CACNG2: variants seen among roughly 807,000 people sequenced by gnomAD.
The protein encoded by CACNG2 is voltage-dependent calcium channel gamma-2 subunit.
In CACNG2, 3 loss-of-function variants were observed where a neutral mutation model predicts 25.9. The ratio of observed to expected loss-of-function variants is 0.12; its 90% CI spans 0.05 to 0.30. CACNG2 has a LOEUF of 0.30. CACNG2 is among the 10% of genes least tolerant of loss of function. The pLI is 1.00. For synonymous variants in CACNG2, 167 were observed against 173.3 expected, an observed-to-expected ratio of 0.96 and a Z score of 0.29; for missense variants, 341 against 432.5, an observed-to-expected ratio of 0.79 and a Z score of 1.88.
intron 1 of CACNG2, among the ~76,000 whole-genome samples, chr22:36,619,289 G>T (rs781567909): frequency 2.0e-5 from 3 of 152,180 alleles, no homozygotes; most frequent in African/African-American, 7.2e-5. Context: ...ACCGCAGGAT[G>T]ACAGAGTTTA....
chr22:36,674,386 T>A (rs1342819720), intron 1 of CACNG2, among the ~76,000 whole-genome samples: 3 of 152,214 alleles, frequency 2.0e-5, no homozygotes, highest in African/African-American at 7.2e-5. Context: ...TGGAGTGTAG[T>A]GGCACTATCT....
intron 1 of CACNG2, among the ~76,000 whole-genome samples, chr22:36,607,186 G>A (rs1392445268): frequency 1.3e-5 from 2 of 152,082 alleles, no homozygotes; most frequent in Non-Finnish European, 2.9e-5. Flanking sequence ...AATGCTTGTG[G>A]CCTTTCCTAC....
intron 1 of CACNG2, among the ~76,000 whole-genome samples, chr22:36,598,882 G>A (rs1935714677): frequency 1.3e-5 from 2 of 152,144 alleles, no homozygotes; most frequent in African/African-American, 4.8e-5. Flanking sequence ...GGGAGGCTGA[G>A]GTGGGAGATT....
chr22:36,586,830 G>C (rs1371687345), intron 2 of CACNG2, among the ~76,000 whole-genome samples: 1 of 152,182 alleles, frequency 6.6e-6, no homozygotes, highest in Non-Finnish European at 1.5e-5. Context: ...TGATACTTGA[G>C]ACATTTCCTT....
At chr22:36,575,915 G>A (rs565764428) in intron 2 of CACNG2, among the ~76,000 whole-genome samples, 7 of 152,184 alleles carry the variant, frequency 4.6e-5, no homozygotes, top group African/African-American at 1.2e-4. Flanking sequence ...GGATCAATCC[G>A]CATTAGGGGA....
intron 1 of CACNG2, among the ~76,000 whole-genome samples, chr22:36,621,925 T>C (rs1277730928): frequency 6.6e-6 from 1 of 152,228 alleles, no homozygotes; most frequent in East Asian, 1.9e-4. Flanking sequence ...TTTTCCAGCA[T>C]GTTGGTTCAT....
At chr22:36,598,286 C>T (rs747842552) in intron 1 of CACNG2, among the ~76,000 whole-genome samples, 6 of 152,158 alleles carry the variant, frequency 3.9e-5, no homozygotes, top group Non-Finnish European at 8.8e-5. Context: ...ATCCCTGGGG[C>T]ACCAAGATCT....
chr22:36,654,963 A>T (rs1322364200), intron 1 of CACNG2, among the ~76,000 whole-genome samples: 1 of 152,142 alleles, frequency 6.6e-6, no homozygotes, highest in African/African-American at 2.4e-5. Flanking sequence ...GCATTAAAAA[A>T]AAGGGAAAAG....
chr22:36,640,199 C>T (rs1035333681), intron 1 of CACNG2, among the ~76,000 whole-genome samples: 15 of 152,122 alleles, frequency 9.9e-5, no homozygotes, highest in East Asian at 1.9e-4. Flanking sequence ...ATGAAGATCG[C>T]GGCTCCTTCA....
intron 1 of CACNG2, among the ~76,000 whole-genome samples, chr22:36,641,358 T>A (rs1936440294): frequency 1.3e-5 from 2 of 152,042 alleles, no homozygotes; most frequent in African/African-American, 2.4e-5. Context: ...CTTGCACAAA[T>A]GAACAAGTTC....
At chr22:36,579,665 AGTCCTG>A (rs1393107346) in intron 2 of CACNG2, among the ~76,000 whole-genome samples, 1 of 152,124 alleles carries the variant, frequency 6.6e-6, no homozygotes, top group Non-Finnish European at 1.5e-5. Flanking sequence ...GAGGCTCCCA[AGTCCTG>A]GTCCCCACCC....
At chr22:36,577,873 GC>G (rs1352301983) in intron 2 of CACNG2, among the ~76,000 whole-genome samples, 1 of 152,062 alleles carries the variant, frequency 6.6e-6, no homozygotes, top group Non-Finnish European at 1.5e-5. Context: ...TCTCTCAGAA[GC>G]CCCCTCATGG....
At position 36,678,581 on chromosome 22, in the gene CACNG2, G is replaced by A. The variant is rs114274692; in HGVS notation, c.211+23785C>T. Among the ~76,000 whole-genome samples, 1,033 of 151,430 alleles carry A rather than the reference G, an allele frequency of 6.8e-3. 16 individuals carry two copies. Among genetic ancestry groups the A allele is most frequent in the African/African-American group, 0.024 (989 of 41,158 alleles). ...ATTCTCTCATCATTTCCACAAAGAC[G>A]TGACCCAATTTGCCTCCATCCTTCC... On this transcript the variant is annotated intron_variant, in intron 1 of 3. Transcript: ENST00000300105.
chr22:36,662,324 G>C (rs969197317), intron 1 of CACNG2, among the ~76,000 whole-genome samples: 1 of 152,120 alleles, frequency 6.6e-6, no homozygotes, highest in South Asian at 2.1e-4. Context: ...CGGTTACAGC[G>C]ATCACATCCT....
At chr22:36,651,314 C>A (rs1167562154) in intron 1 of CACNG2, among the ~76,000 whole-genome samples, 1 of 148,796 alleles carries the variant, frequency 6.7e-6, no homozygotes, top group Non-Finnish European at 1.5e-5. Context: ...CTGCAACCTC[C>A]GCCTCCCAGG....
intron 1 of CACNG2, among the ~76,000 whole-genome samples, chr22:36,673,473 T>C (rs75358490): frequency 1.2e-3 from 182 of 152,288 alleles, no homozygotes; most frequent in Middle Eastern, 0.01. Flanking sequence ...TCGCAGAACA[T>C]ACACATTGAT....
At chr22:36,623,133 G>A (rs183349479) in intron 1 of CACNG2, among the ~76,000 whole-genome samples, 2 of 144,432 alleles carry the variant, frequency 1.4e-5, no homozygotes, top group South Asian at 4.6e-4. Flanking sequence ...AGATTCTCCT[G>A]CCTCAGCCTC....
intron 2 of CACNG2, among the ~76,000 whole-genome samples, chr22:36,575,350 C>A (rs1935295226): frequency 6.6e-6 from 1 of 152,190 alleles, no homozygotes; most frequent in South Asian, 2.1e-4. Flanking sequence ...GGCCAAACTC[C>A]CTAGACAAAT....
intron 2 of CACNG2, among the ~76,000 whole-genome samples, chr22:36,571,983 C>T (rs1603500399): frequency 6.6e-6 from 1 of 152,274 alleles, no homozygotes; most frequent in East Asian, 1.9e-4. Context: ...TCTGAGGTCC[C>T]TCTTCCCAAA....
Sources: gnomAD v4.1 joint callset for allele counts (sites outside exome capture counted in the v4.1 genomes callset) on GRCh38, gnomAD v4.1.1 for gene constraint, MANE v1.5 for transcripts, NCBI Gene and HGNC (gene_info 2026-07-23, HGNC 2026-07-21) for gene names.